Variants in RAPGEF6 observed in about 807,000 individuals in gnomAD.
RAPGEF6 encodes the protein Rap guanine nucleotide exchange factor 6.
A neutral mutation model predicts 171.4 loss-of-function variants in RAPGEF6; 56 were observed. The observed-to-expected ratio is 0.33, with a 90% CI of 0.26 to 0.41. The LOEUF (loss-of-function observed/expected upper bound fraction) is 0.41, where lower values mean the gene tolerates loss of function less well. Among genes scored for constraint, RAPGEF6 ranks in the 10% least tolerant of loss-of-function variants. The probability of loss-of-function intolerance (pLI) is 1.00; values close to 1 mark genes in which losing one functional copy is unlikely to be tolerated. For missense variants in RAPGEF6, 1,674 were observed against 1,921.4 expected (o/e 0.87, Z 2.41); for synonymous variants, 692 against 650.1 (o/e 1.06, Z -0.98).
intron 4 of RAPGEF6, among the ~76,000 whole-genome samples, chr5:131,589,306 C>T (rs1483290012): frequency 6.6e-6 from 1 of 152,078 alleles, no homozygotes; most frequent in Non-Finnish European, 1.5e-5. Context: ...TTTCTCTTTG[C>T]TTACTATATA....
intron 19 of RAPGEF6, among the ~76,000 whole-genome samples, chr5:131,458,964 T>C (rs999498777): frequency 9.9e-5 from 15 of 152,168 alleles, no homozygotes; most frequent in Non-Finnish European, 1.3e-4. Flanking sequence ...TCAACAAAAC[T>C]TTTTAAAAGA....
chr5:131,625,178 C>T (rs963036784), intron 1 of RAPGEF6, among the ~76,000 whole-genome samples: 1 of 152,152 alleles, frequency 6.6e-6, no homozygotes, highest in African/African-American at 2.4e-5. Context: ...AGGAGAATCC[C>T]TTGAACCCGG....
At chr5:131,578,445 T>C (rs1338420488) in intron 4 of RAPGEF6, among the ~76,000 whole-genome samples, 1 of 152,170 alleles carries the variant, frequency 6.6e-6, no homozygotes, top group African/African-American at 2.4e-5. Context: ...GCCCCCATCT[T>C]TACCTGCCTG....
At chr5:131,436,796 CAT>C (rs1281027865) in intron 24 of RAPGEF6, among the ~76,000 whole-genome samples, 1 of 152,132 alleles carries the variant, frequency 6.6e-6, no homozygotes, top group Non-Finnish European at 1.5e-5. Flanking sequence ...CCAAATAAGA[CAT>C]ATAAATAGTA....
rs564227231 is a variant in RAPGEF6 at position 131,635,160 on chromosome 5, T to G, written c.-130A>C. 347 of 962,228 alleles carry G rather than the reference T, an allele frequency of 3.6e-4. No individual in the cohort carries two copies. Among genetic ancestry groups the G allele is most frequent in the Non-Finnish European group, 4.6e-4 (306 of 669,522 alleles). 59.6% of individuals were successfully genotyped at this position (962,228 alleles called of 1,614,324 possible). A position where few individuals can be genotyped will look rare whatever the true frequency, so the allele number is the denominator to read the frequency against. ...CTTCGCGCCGTAACAAGGTCCGAAC[T>G]CTAGCAAACAACCCTTCGCAACGCC... On this transcript the variant is annotated 5_prime_UTR_variant, in exon 1 of 28. Transcript: ENST00000509018.
At chr5:131,540,461 G>A (rs1027070997) in intron 6 of RAPGEF6, among the ~76,000 whole-genome samples, 9 of 152,168 alleles carry the variant, frequency 5.9e-5, no homozygotes, top group Admixed American at 1.3e-4. Flanking sequence ...AGCTACTCAG[G>A]AGGCTAAGGC....
At chr5:131,540,975 C>T (rs1417393221) in intron 6 of RAPGEF6, among the ~76,000 whole-genome samples, 1 of 152,082 alleles carries the variant, frequency 6.6e-6, no homozygotes, top group Middle Eastern at 3.2e-3. Context: ...TGCAAGACTC[C>T]GTCTCAAAAA....
Position 131,635,085 on chromosome 5 carries a change from T to C in RAPGEF6, c.-55A>G. The C allele has an allele frequency of 6.5e-7, 1 of 1,531,036 alleles. No homozygotes were observed. The highest frequency in any genetic ancestry group is 2.4e-5 in the East Asian group (1 of 42,440). 94.8% of individuals were successfully genotyped at this position (1,531,036 alleles called of 1,614,324 possible). ...CCTTAGCAGCCCACGCCACAGTTCA[T>C]TCACACTAGGTAGCGGGTGCGGTAC... is the stretch of plus-strand genomic sequence containing the variant. On this transcript the variant is annotated 5_prime_UTR_variant, in exon 1 of 28. It removes an upstream start codon present in the reference 5' UTR. Coordinates refer to ENST00000509018, the MANE Select transcript of RAPGEF6 (RefSeq NM_016340.6).
intron 12 of RAPGEF6, among the ~76,000 whole-genome samples, chr5:131,496,092 G>A (rs1290885147): frequency 6.6e-6 from 1 of 152,134 alleles, no homozygotes; most frequent in Admixed American, 6.5e-5. Context: ...TGCAATGCCA[G>A]CAACTCAGGT....
intron 21 of RAPGEF6, among the ~76,000 whole-genome samples, chr5:131,448,753 C>T (rs1475040754): frequency 6.6e-6 from 1 of 152,098 alleles, no homozygotes; most frequent in African/African-American, 2.4e-5. Context: ...TACAGTGTAA[C>T]CCTAAAGCTG....
intron 27 of RAPGEF6, among the ~76,000 whole-genome samples, chr5:131,428,207 A>C (rs1751487118): frequency 6.6e-6 from 1 of 152,070 alleles, no homozygotes; most frequent in African/African-American, 2.4e-5. Flanking sequence ...CCAGGAGTTC[A>C]AAACCAGCCT....
chr5:131,570,041 CAAAAA>C (rs34729268), intron 4 of RAPGEF6, among the ~76,000 whole-genome samples: 1 of 27,474 alleles, frequency 3.6e-5, no homozygotes, highest in Admixed American at 6.7e-4. Flanking sequence ...GACTCTGTCT[CAAAAA>C]AAAAAAAAAA....
At chr5:131,488,137 A>G (rs897678088) in intron 15 of RAPGEF6, among the ~76,000 whole-genome samples, 1 of 152,070 alleles carries the variant, frequency 6.6e-6, no homozygotes, top group African/African-American at 2.4e-5. Flanking sequence ...CCTCTGCTAT[A>G]TCCAACCTAG....
chr5:131,432,000 A>G (rs1166121693), intron 25 of RAPGEF6, among the ~76,000 whole-genome samples: 21 of 152,068 alleles, frequency 1.4e-4, no homozygotes, highest in Admixed American at 1.4e-3. Flanking sequence ...CAACTTCCCC[A>G]ATTACCCATG....
chr5:131,609,432 T>C (rs938409004), intron 1 of RAPGEF6, among the ~76,000 whole-genome samples: 1 of 152,056 alleles, frequency 6.6e-6, no homozygotes, highest in Non-Finnish European at 1.5e-5. Context: ...TGTATAAAGT[T>C]TTCTGTATTC....
At chr5:131,604,526 A>T in intron 2 of RAPGEF6, 97 bp downstream of exon 2, 3 of 1,375,998 alleles carry the variant, frequency 2.2e-6, no homozygotes, top group Non-Finnish European at 3.0e-6. Flanking sequence ...CAAGGGCTTA[A>T]AACAATAAGG....
intron 6 of RAPGEF6, among the ~76,000 whole-genome samples, chr5:131,532,456 A>G (rs547158891): frequency 1.3e-5 from 2 of 152,298 alleles, no homozygotes; most frequent in African/African-American, 4.8e-5. Context: ...TGGTAGCACA[A>G]CAGTTAATAC....
rs1038589915 is a variant in RAPGEF6 at position 131,428,823 on chromosome 5, C to T, written c.4780+79G>A. The T allele has an allele frequency of 3.1e-5, 42 of 1,373,390 alleles. No homozygotes were observed. The Middle Eastern group carries it at 6.7e-4, about 22-fold the overall frequency. The allele number at this position is 1,373,390 out of a possible 1,614,324, so 85.1% of individuals were successfully genotyped here. ...CATTTAAAGAAACAATTACTAATTACCATAAAATACCAAAGTAAAGACCAT... is the reference window on the plus strand; with the variant it reads ...CATTTAAAGAAACAATTACTAATTATCATAAAATACCAAAGTAAAGACCAT... On this transcript the variant is annotated intron_variant, in intron 27 of 27. Coordinates refer to ENST00000509018, the MANE Select transcript of RAPGEF6 (RefSeq NM_016340.6).
intron 4 of RAPGEF6, among the ~76,000 whole-genome samples, chr5:131,578,688 TG>T (rs1411014746): frequency 6.6e-6 from 1 of 152,240 alleles, no homozygotes; most frequent in African/African-American, 2.4e-5. Flanking sequence ...ACCGTCCAAA[TG>T]TTCCTTTATT....
Sources: allele counts gnomAD v4.1 joint callset (sites outside exome capture counted in the v4.1 genomes callset), GRCh38; gene constraint gnomAD v4.1.1; transcripts MANE v1.5; gene names NCBI Gene and HGNC (gene_info 2026-07-23, HGNC 2026-07-21).